Variants in CSMD3 observed in about 807,000 individuals in gnomAD.
CSMD3 encodes the protein CUB and Sushi multiple domains 3.
A neutral mutation model predicts 435.2 loss-of-function variants in CSMD3; 177 were observed. The ratio of observed to expected loss-of-function variants is 0.41; its 90% CI spans 0.36 to 0.46. The LOEUF (loss-of-function observed/expected upper bound fraction) is 0.46. Ranked by LOEUF, CSMD3 falls within the 20% of genes least tolerant of loss-of-function variation. The pLI, the probability that CSMD3 is intolerant of heterozygous loss-of-function variation, is 0.34. For synonymous variants in CSMD3, 1,656 were observed against 1,520.5 expected (o/e 1.09, Z -2.07); for missense variants, 4,265 against 4,504.6 (o/e 0.95, Z 1.52).
intron 11 of CSMD3, among the ~76,000 whole-genome samples, chr8:112,839,564 T>A (rs2080122457): frequency 6.6e-6 from 1 of 151,764 alleles, no homozygotes; most frequent in Non-Finnish European, 1.5e-5. Flanking sequence ...TTTAGGAGAC[T>A]ATTCATTACA....
At chr8:113,250,320 A>G (rs1201510106) in intron 3 of CSMD3, among the ~76,000 whole-genome samples, 1 of 152,116 alleles carries the variant, frequency 6.6e-6, no homozygotes, top group Non-Finnish European at 1.5e-5. Flanking sequence ...TTAAAAACAA[A>G]GAAGGCTATA....
At chr8:112,459,279 C>A (rs781251356) in intron 32 of CSMD3, among the ~76,000 whole-genome samples, 1 of 149,488 alleles carries the variant, frequency 6.7e-6, no homozygotes, top group Non-Finnish European at 1.5e-5. Context: ...TCTCATTATA[C>A]TTTGGGTTTT....
At position 112,307,798 on chromosome 8, in the gene CSMD3, A is replaced by G. The variant is rs186077749; in HGVS notation, c.7886-1606T>C. Reference sequence around the variant, plus strand: ...GTTTCATACAAAGAATTACAGATTTATATTTTCTCTCATAACAGAAGAAAT... The same window carrying G: ...GTTTCATACAAAGAATTACAGATTTGTATTTTCTCTCATAACAGAAGAAAT... On this transcript the variant is annotated intron_variant, in intron 50 of 70. Coordinates refer to ENST00000297405, the MANE Select transcript of CSMD3 (RefSeq NM_198123.2). Among the ~76,000 whole-genome samples, 734 of 152,312 alleles carry G rather than the reference A, an allele frequency of 4.8e-3. 3 individuals carry two copies. The highest frequency in any genetic ancestry group is 7.4e-3 in the Non-Finnish European group (503 of 68,010).
intron 1 of CSMD3, among the ~76,000 whole-genome samples, chr8:113,352,069 T>G (rs2094193725): frequency 6.6e-6 from 1 of 152,188 alleles, no homozygotes; most frequent in Non-Finnish European, 1.5e-5. Context: ...ATTTCAGGAT[T>G]ATTTCTTGTC....
In CSMD3 at chr8:112,265,436, C is replaced by G. The variant is rs2130410160; in HGVS notation, c.9663G>C (p.Trp3221Cys). ...CTCTACAAGTTGGCATTACTCCACT[C>G]CATGTGCCATTAATTGTACAAGTCC... is the stretch of plus-strand genomic sequence containing the variant. ...RIRTCTINGTWSGVMPTCRAV... is the reference protein window; with the variant it reads ...RIRTCTINGTCSGVMPTCRAV... Residue 3221 changes from tryptophan (W) to cysteine (C), a missense_variant, in exon 60 of 71, where the codon TGG (tryptophan) becomes TGC (cysteine). Trp to Cys is a radical substitution (Grantham distance 215). Around this residue, in one of 3 missense-constraint regions of CSMD3, gnomAD observed 3,255 missense variants for 3,380.2 expected, o/e 0.96. Transcript: ENST00000297405. 1 of 1,613,584 alleles carries G rather than the reference C, an allele frequency of 6.2e-7. No individual in the cohort carries two copies.
chr8:113,313,159 C>T (rs577946112), intron 2 of CSMD3: 1 of 152,202 alleles, frequency 6.6e-6, no homozygotes, highest in South Asian at 2.1e-4. Context: ...GGCCTTACTA[C>T]CATCTCTCAG....
chr8:112,253,101 C>T (rs1420853), intron 63 of CSMD3, among the ~76,000 whole-genome samples: 28,319 of 151,614 alleles, frequency 0.19, 5,736 homozygotes, highest in African/African-American at 0.5. Flanking sequence ...TTTAGTACAC[C>T]GACACTAACA....
intron 13 of CSMD3, among the ~76,000 whole-genome samples, chr8:112,774,824 T>C (rs1241104989): frequency 6.6e-6 from 1 of 152,072 alleles, no homozygotes; most frequent in Non-Finnish European, 1.5e-5. Context: ...TGATTCACTG[T>C]CTATACAATT....
chr8:113,021,477 G>A (rs1392406795), intron 5 of CSMD3, among the ~76,000 whole-genome samples: 1 of 152,144 alleles, frequency 6.6e-6, no homozygotes, highest in Non-Finnish European at 1.5e-5. Flanking sequence ...ATTTTTGACA[G>A]GCTGCACACA....
intron 13 of CSMD3, among the ~76,000 whole-genome samples, chr8:112,728,950 T>C (rs994543714): frequency 3.9e-5 from 6 of 152,058 alleles, no homozygotes; most frequent in Admixed American, 2.6e-4. Context: ...GAGTTACATA[T>C]ACATATATAC....
chr8:112,894,954 G>A (rs980305064), intron 10 of CSMD3, among the ~76,000 whole-genome samples: 1 of 151,346 alleles, frequency 6.6e-6, no homozygotes, highest in Non-Finnish European at 1.5e-5. Context: ...TTTGGAAGAG[G>A]AAGTAATCAC....
At chr8:112,617,135 G>A (rs1833721309) in intron 22 of CSMD3, among the ~76,000 whole-genome samples, 1 of 152,092 alleles carries the variant, frequency 6.6e-6, no homozygotes. Flanking sequence ...TTCTCTATAG[G>A]CTTATCTTCC....
chr8:112,511,490 C>T (rs537487829), intron 28 of CSMD3, among the ~76,000 whole-genome samples: 14 of 150,826 alleles, frequency 9.3e-5, no homozygotes, highest in Non-Finnish European at 1.5e-4. Flanking sequence ...CCCGGGTTCA[C>T]GCCATTCTCC....
intron 3 of CSMD3, among the ~76,000 whole-genome samples, chr8:113,189,881 AT>A: frequency 6.6e-6 from 1 of 151,964 alleles, no homozygotes; most frequent in Middle Eastern, 3.4e-3. Flanking sequence ...CTGGGATAAT[AT>A]AGTTTGGAAA....
At position 112,244,433 on chromosome 8, in the gene CSMD3, A is replaced by C. The variant is rs1814496001; in HGVS notation, c.10363T>G (p.Ser3455Ala). Residue 3455 changes from serine (S) to alanine (A), a missense_variant, in exon 65 of 71, where the codon TCC becomes GCC. Ser to Ala is a moderately conservative substitution (Grantham distance 99, BLOSUM62 1). Around this residue, in one of 3 missense-constraint regions of CSMD3, gnomAD observed 3,255 missense variants for 3,380.2 expected, o/e 0.96. Coordinates refer to ENST00000297405, the MANE Select transcript of CSMD3 (RefSeq NM_198123.2). ...AGGTEHRVCR[S>A]DNTWTGKVPI... ...ACTTTTCCAGTCCAGGTGTTATCGG[A>C]TCTACACACTCTATGTTCTGTTCCA... 3.7e-6 allele frequency: 6 copies of C among 1,613,778 alleles called. No individual in the cohort carries two copies. The South Asian group carries it at 6.6e-5, about 18-fold the overall frequency.
intron 10 of CSMD3, among the ~76,000 whole-genome samples, chr8:112,881,480 G>A (rs888402295): frequency 6.6e-6 from 1 of 151,968 alleles, no homozygotes; most frequent in Non-Finnish European, 1.5e-5. Flanking sequence ...CTATAAATAT[G>A]TTTCTATGAA....
intron 30 of CSMD3, 101 bp downstream of exon 30, chr8:112,503,689 A>G (rs1405924413): frequency 1.5e-5 from 11 of 753,644 alleles, no homozygotes; most frequent in Non-Finnish European, 2.4e-5. Context: ...TTAAAAATAC[A>G]CATAAAACTA....
intron 17 of CSMD3, among the ~76,000 whole-genome samples, chr8:112,659,831 T>A (rs1226369971): frequency 6.6e-6 from 1 of 152,144 alleles, no homozygotes; most frequent in African/African-American, 2.4e-5. Flanking sequence ...TTCTTGTAGT[T>A]TTATTGACAA....
At chr8:112,506,071 C>G (rs1484684231) in intron 29 of CSMD3, among the ~76,000 whole-genome samples, 2 of 152,074 alleles carry the variant, frequency 1.3e-5, no homozygotes, top group East Asian at 3.8e-4. Context: ...TGTCTTACAA[C>G]AGGATCCTGG....
Sources: allele counts gnomAD v4.1 joint callset (sites outside exome capture counted in the v4.1 genomes callset), GRCh38; gene constraint gnomAD v4.1.1; regional missense constraint gnomAD v4.1.1; transcripts MANE v1.5; gene names NCBI Gene and HGNC (gene_info 2026-07-23, HGNC 2026-07-21).